Variants in COL11A1 observed in about 807,000 individuals in gnomAD.
COL11A1 encodes the protein collagen type XI alpha 1 chain, also known as collagen alpha-1(XI) chain.
Under a neutral mutation model 265.2 loss-of-function variants are expected in COL11A1, and 74 were observed. The observed-to-expected ratio is 0.28, with a 90% confidence interval of 0.23 to 0.34. The LOEUF is 0.34. COL11A1 is among the 10% of genes least tolerant of loss of function. The pLI is 1.00. For missense variants in COL11A1, 2,165 were observed against 2,263.6 expected, an observed-to-expected ratio of 0.96 and a Z score of 0.88; for synonymous variants, 816 against 727.6, an observed-to-expected ratio of 1.12 and a Z score of -1.96.
rs959801277 is a variant in COL11A1 at position 102,888,503 on chromosome 1, A to C, written c.4608+74T>G. ...GCAGAATGTGCTTTTTGTCTATCTT[A>C]TAAGTTCAGAGAAATCATTGGCAGC... On this transcript the variant is annotated intron_variant, in intron 62 of 66. Coordinates refer to ENST00000370096, the MANE Select transcript of COL11A1 (RefSeq NM_001854.4). The C allele has an allele frequency of 5.0e-6, 7 of 1,401,282 alleles. No homozygotes were observed. The African/African-American group carries it at 8.5e-5, about 17-fold the overall frequency. The allele number at this position is 1,401,282 out of a possible 1,614,324, so 86.8% of individuals were successfully genotyped here.
At chr1:103,011,309 C>T (rs1254631790) in intron 14 of COL11A1, among the ~76,000 whole-genome samples, 1 of 152,020 alleles carries the variant, frequency 6.6e-6, no homozygotes, top group Non-Finnish European at 1.5e-5. Flanking sequence ...TGCCATATTA[C>T]TGTATTTTGG....
chr1:102,936,238 CA>C (rs766344666), intron 44 of COL11A1, among the ~76,000 whole-genome samples: 16,232 of 123,276 alleles, frequency 0.13, 883 homozygotes, highest in Middle Eastern at 0.17. Context: ...GTGCTTGTCT[CA>C]AAAAAAAAAA....
At chr1:102,973,722 C>T (rs1662195821) in intron 36 of COL11A1, among the ~76,000 whole-genome samples, 1 of 152,048 alleles carries the variant, frequency 6.6e-6, no homozygotes, top group African/African-American at 2.4e-5. Flanking sequence ...CCATATGTAT[C>T]GATCTTTCTA....
intron 46 of COL11A1, among the ~76,000 whole-genome samples, chr1:102,927,968 C>T (rs954554433): frequency 3.6e-4 from 54 of 152,052 alleles, no homozygotes; most frequent in African/African-American, 1.2e-3. Flanking sequence ...CGAGTTTCTC[C>T]GGGGAAAGGA....
intron 4 of COL11A1, among the ~76,000 whole-genome samples, chr1:103,041,362 A>G (rs1466207923): frequency 1.3e-5 from 2 of 151,192 alleles, no homozygotes; most frequent in African/African-American, 4.9e-5. Context: ...TTACATATCA[A>G]TTTTTAGCAT....
intron 4 of COL11A1, among the ~76,000 whole-genome samples, chr1:103,038,474 AAG>A (rs1234129008): frequency 6.6e-6 from 1 of 151,986 alleles, no homozygotes; most frequent in Admixed American, 6.6e-5. Context: ...TTTCTCCAAA[AAG>A]AGAGAGAGCG....
intron 1 of COL11A1, among the ~76,000 whole-genome samples, chr1:103,104,604 A>G (rs550258656): frequency 2.4e-4 from 36 of 152,286 alleles, no homozygotes; most frequent in African/African-American, 7.7e-4. Context: ...ACTTTAAGAT[A>G]TTAAGAAACT....
At chr1:102,962,113 G>GA (rs1370168309) in intron 40 of COL11A1, 63 bp downstream of exon 40, 29 of 1,365,548 alleles carry the variant, frequency 2.1e-5, no homozygotes, top group South Asian at 4.7e-5. Context: ...TAAGTTCTGA[G>GA]AAAAAATGCT....
intron 46 of COL11A1, among the ~76,000 whole-genome samples, chr1:102,931,562 A>G (rs895682103): frequency 1.3e-5 from 2 of 152,138 alleles, no homozygotes; most frequent in African/African-American, 4.8e-5. Context: ...AAAAAAATGT[A>G]TATTCTGTTG....
intron 54 of COL11A1, among the ~76,000 whole-genome samples, chr1:102,901,156 T>C (rs1387709923): frequency 6.6e-6 from 1 of 151,776 alleles, no homozygotes; most frequent in Non-Finnish European, 1.5e-5. Flanking sequence ...CCGTCTCTAC[T>C]AAAAATACAA....
intron 8 of COL11A1, among the ~76,000 whole-genome samples, chr1:103,022,361 G>A (rs1667164994): frequency 3.3e-5 from 5 of 152,012 alleles, no homozygotes. Flanking sequence ...ATCTATAGAT[G>A]TCAGTTATTA....
intron 1 of COL11A1, among the ~76,000 whole-genome samples, chr1:103,102,775 A>T (rs902008916): frequency 9.9e-5 from 15 of 152,006 alleles, no homozygotes; most frequent in African/African-American, 2.9e-4. Context: ...GAGTATAAAA[A>T]CTCATGATAA....
At position 102,997,220 on chromosome 1, in the gene COL11A1, C is replaced by T. The variant is rs1020716579; in HGVS notation, c.2197-96G>A. ...CTTTTGTTATTAAATCTACTAAGATCTTACTCTTTAAGTTTCAAAAACATT... is the reference window on the plus strand; with the variant it reads ...CTTTTGTTATTAAATCTACTAAGATTTTACTCTTTAAGTTTCAAAAACATT... On this transcript the variant is annotated intron_variant, in intron 25 of 66. Coordinates refer to ENST00000370096, the MANE Select transcript of COL11A1 (RefSeq NM_001854.4). 105 of 1,156,364 alleles carry T rather than the reference C, an allele frequency of 9.1e-5. No homozygotes were observed. The East Asian group carries it at 2.4e-3, about 27-fold the overall frequency. 71.6% of individuals were successfully genotyped at this position (1,156,364 alleles called of 1,614,324 possible).
intron 4 of COL11A1, among the ~76,000 whole-genome samples, chr1:103,056,763 G>T (rs1459923605): frequency 2.0e-5 from 3 of 152,050 alleles, no homozygotes; most frequent in African/African-American, 7.2e-5. Context: ...ATATTGCCAA[G>T]ATTTTTTTCA....
chr1:103,040,338 A>G (rs1289019746), intron 4 of COL11A1, among the ~76,000 whole-genome samples: 1 of 151,416 alleles, frequency 6.6e-6, no homozygotes, highest in African/African-American at 2.4e-5. Flanking sequence ...TTCTCATATT[A>G]ATCTCAAAAT....
intron 44 of COL11A1, among the ~76,000 whole-genome samples, chr1:102,937,286 A>C (rs190200875): frequency 6.6e-5 from 10 of 152,340 alleles, no homozygotes; most frequent in African/African-American, 2.2e-4. Flanking sequence ...ATGGCCATGC[A>C]GTCATTTTAG....
intron 46 of COL11A1, among the ~76,000 whole-genome samples, 166 bp from the exon 47 acceptor site, chr1:102,923,555 A>G (rs2101088153): frequency 6.6e-6 from 1 of 152,244 alleles, no homozygotes; most frequent in African/African-American, 2.4e-5. Context: ...TGTTGACCAC[A>G]TGTGATAAAA....
chr1:102,909,501 T>G (rs2101000017), intron 54 of COL11A1, among the ~76,000 whole-genome samples: 3 of 152,166 alleles, frequency 2.0e-5, no homozygotes, highest in South Asian at 4.1e-4. Flanking sequence ...AACTAAATTT[T>G]TTTGTACATT....
At chr1:103,031,324 G>T (rs1667983689) in intron 4 of COL11A1, 80 bp from the exon 5 acceptor site, 1 of 1,487,526 alleles carries the variant, frequency 6.7e-7, no homozygotes, top group Non-Finnish European at 9.1e-7. Flanking sequence ...AAAGCGAGAT[G>T]TGGTTTATTT....
Sources: allele counts gnomAD v4.1 joint callset (sites outside exome capture counted in the v4.1 genomes callset), GRCh38; gene constraint gnomAD v4.1.1; transcripts MANE v1.5; gene names NCBI Gene and HGNC (gene_info 2026-07-23, HGNC 2026-07-21).